RBL1: variants seen among roughly 807,000 people sequenced by gnomAD.
RBL1 encodes RB transcriptional corepressor like 1.
Under a neutral mutation model 123.0 loss-of-function variants are expected in RBL1, and 82 were observed. The ratio of observed to expected loss-of-function variants is 0.67; its 90% CI spans 0.56 to 0.80. The LOEUF (loss-of-function observed/expected upper bound fraction) is 0.80. Ranked by LOEUF, RBL1 falls within the 30% of genes least tolerant of loss-of-function variation. The pLI is 0.00. For missense variants in RBL1, 1,171 were observed against 1,299.6 expected (o/e 0.90, Z 1.52); for synonymous variants, 405 against 441.3 (o/e 0.92, Z 1.03).
At chr20:37,023,777 A>ATTTTTTTTTTTTTTT (rs11371156) in intron 16 of RBL1, among the ~76,000 whole-genome samples, 1 of 125,512 alleles carries the variant, frequency 8.0e-6, no homozygotes. Flanking sequence ...TATTCAAACT[A>ATTTTTTTTTTTTTTT]TTTTTTTTTT....
chr20:37,008,832 C>A (rs771287452), intron 19 of RBL1, among the ~76,000 whole-genome samples: 151 of 137,020 alleles, frequency 1.1e-3, no homozygotes, highest in Non-Finnish European at 2.0e-3. Flanking sequence ...AGGATCTTGA[C>A]GAGGGTGGGA....
chr20:37,055,913 G>C (rs1242600797), intron 10 of RBL1, among the ~76,000 whole-genome samples: 1 of 151,904 alleles, frequency 6.6e-6, no homozygotes, highest in Non-Finnish European at 1.5e-5. Flanking sequence ...CCGGTGTGGT[G>C]GTGGGTCCCT....
chr20:37,089,474 C>T, intron 1 of RBL1, among the ~76,000 whole-genome samples: 1 of 151,818 alleles, frequency 6.6e-6, no homozygotes, highest in East Asian at 1.9e-4. Context: ...AACGTAGACT[C>T]TAAAAATGAA....
chr20:37,065,734 G>A (rs989951519), intron 6 of RBL1, among the ~76,000 whole-genome samples: 6 of 150,488 alleles, frequency 4.0e-5, no homozygotes, highest in African/African-American at 4.9e-5. Context: ...CAGCCTCAGC[G>A]TGCCAAGTAG....
At chr20:37,043,350 G>A (rs891225456) in intron 13 of RBL1, among the ~76,000 whole-genome samples, 26 of 151,902 alleles carry the variant, frequency 1.7e-4, no homozygotes, top group African/African-American at 6.3e-4. Context: ...AAAATTAGCC[G>A]GGTGTGGTGG....
intron 21 of RBL1, among the ~76,000 whole-genome samples, chr20:37,000,210 G>A (rs1352077512): frequency 4.7e-4 from 69 of 146,806 alleles, no homozygotes; most frequent in African/African-American, 1.7e-3. Context: ...GAGCCCCTCC[G>A]CCCAGCAGCC....
chr20:37,076,418 C>T (rs1340484493), intron 2 of RBL1, among the ~76,000 whole-genome samples: 1 of 152,162 alleles, frequency 6.6e-6, no homozygotes, highest in Non-Finnish European at 1.5e-5. Flanking sequence ...TTGTACTGTA[C>T]TCACCCTTCT....
intron 19 of RBL1, among the ~76,000 whole-genome samples, chr20:37,015,494 G>A (rs370971031): frequency 1.5e-4 from 23 of 151,804 alleles, no homozygotes; most frequent in African/African-American, 4.8e-4. Context: ...GCAGTGGCGC[G>A]ATCTCCGCTC....
intron 18 of RBL1, among the ~76,000 whole-genome samples, chr20:37,019,850 T>C (rs2064311704): frequency 6.6e-6 from 1 of 152,168 alleles, no homozygotes; most frequent in South Asian, 2.1e-4. Context: ...ATTAAATGCT[T>C]ATTGTGTGCC....
In RBL1 at chr20:37,066,875, G is replaced by C; in HGVS notation, c.695C>G (p.Ser232Cys). 1 of 1,613,420 alleles carries C rather than the reference G, an allele frequency of 6.2e-7. No individual in the cohort carries two copies. Among genetic ancestry groups the C allele is most frequent in the Non-Finnish European group, 8.5e-7 (1 of 1,179,746 alleles). ...LLNPSFKGLP[S>C]DFHTADFTAS... ...CGTAAAGTCAGCAGTATGAAAATCA[G>C]ATGGTAAACCTAGTTTGACAGTGTA... Residue 232 changes from serine (S) to cysteine (C), a missense_variant, in exon 6 of 22, where the codon TCT becomes TGT. Physicochemically the swap from Ser to Cys is moderately radical, Grantham distance 112. Coordinates refer to ENST00000373664, the MANE Select transcript of RBL1 (RefSeq NM_002895.5).
chr20:37,037,144 T>C (rs1357493550), intron 14 of RBL1, among the ~76,000 whole-genome samples: 2 of 152,214 alleles, frequency 1.3e-5, no homozygotes, highest in Admixed American at 6.5e-5. Context: ...CAAGAGTCCA[T>C]GTGAATGCCT....
chr20:37,085,647 A>ATTTTTTTTTTTTTTTTTTT (rs1202673380), intron 2 of RBL1, among the ~76,000 whole-genome samples: 1 of 84,606 alleles, frequency 1.2e-5, no homozygotes, highest in Non-Finnish European at 2.2e-5. Flanking sequence ...TTGAAATTTG[A>ATTTTTTTTTTTTTTTTTTT]TTTTTTTTTT....
intron 15 of RBL1, 127 bp downstream of exon 15, chr20:37,035,115 T>TA: frequency 4.3e-6 from 4 of 922,448 alleles, no homozygotes; most frequent in Non-Finnish European, 4.6e-6. Context: ...TCAAATCTAT[T>TA]TAAAAAAAAA....
chr20:37,091,375 A>G (rs1372544973), intron 1 of RBL1, among the ~76,000 whole-genome samples: 1 of 151,770 alleles, frequency 6.6e-6, no homozygotes, highest in Non-Finnish European at 1.5e-5. Context: ...AAAAACAAGA[A>G]TTACAGATAA....
intron 14 of RBL1, among the ~76,000 whole-genome samples, chr20:37,037,677 CTTG>C (rs2064641142): frequency 6.6e-6 from 1 of 150,744 alleles, no homozygotes; most frequent in Non-Finnish European, 1.5e-5. Flanking sequence ...CTTATGCAAT[CTTG>C]TTTTTTTTTT....
At chr20:37,004,850 A>ATCTCTATTAAAAATACAAAATT (rs2064045112) in intron 20 of RBL1, among the ~76,000 whole-genome samples, 7 of 152,160 alleles carry the variant, frequency 4.6e-5, no homozygotes, top group Middle Eastern at 6.8e-3. Flanking sequence ...CAACATGGTG[A>ATCTCTATTAAAAATACAAAATT]AACCCCACTT....
intron 9 of RBL1, among the ~76,000 whole-genome samples, chr20:37,059,767 T>C (rs2065064645): frequency 6.6e-6 from 1 of 152,136 alleles, no homozygotes; most frequent in African/African-American, 2.4e-5. Flanking sequence ...GTTTTGACTA[T>C]TCTCTTATTT....
intron 21 of RBL1, among the ~76,000 whole-genome samples, chr20:37,001,970 A>G (rs2063991676): frequency 6.6e-6 from 1 of 151,382 alleles, no homozygotes. Flanking sequence ...AACCAAAACA[A>G]CTGAATTTAC....
intron 2 of RBL1, chr20:37,081,865 T>C (rs2065456148): frequency 2.8e-6 from 1 of 356,402 alleles, no homozygotes; most frequent in Non-Finnish European, 5.6e-6. Context: ...TTAGGAAGAT[T>C]TGAAATCTGA....
Sources: gnomAD v4.1 joint callset for allele counts (sites outside exome capture counted in the v4.1 genomes callset) on GRCh38, gnomAD v4.1.1 for gene constraint, MANE v1.5 for transcripts, NCBI Gene and HGNC (gene_info 2026-07-23, HGNC 2026-07-21) for gene names.